SDK1: variants seen among roughly 807,000 people sequenced by gnomAD.
SDK1 encodes sidekick cell adhesion molecule 1.
A neutral mutation model predicts 245.5 loss-of-function variants in SDK1; 157 were observed. The ratio of observed to expected loss-of-function variants is 0.64; its 90% CI spans 0.56 to 0.73. The LOEUF (loss-of-function observed/expected upper bound fraction) is 0.73, where lower values mean the gene tolerates loss of function less well. SDK1 is among the 30% of genes least tolerant of loss of function. The pLI is 0.00. For missense variants in SDK1, 3,583 were observed against 3,002.3 expected, an observed-to-expected ratio of 1.19 and a Z score of -4.52; for synonymous variants, 1,647 against 1,278.5, an observed-to-expected ratio of 1.29 and a Z score of -6.15.
At chr7:4,251,340 G>A (rs192999847) in intron 44 of SDK1, among the ~76,000 whole-genome samples, 9 of 152,290 alleles carry the variant, frequency 5.9e-5, no homozygotes, top group East Asian at 5.8e-4. Context: ...AAATCACAAA[G>A]GGAAAATGTG....
intron 4 of SDK1, among the ~76,000 whole-genome samples, chr7:3,805,955 A>C (rs895783752): frequency 1.3e-5 from 2 of 152,070 alleles, no homozygotes; most frequent in Non-Finnish European, 2.9e-5. Context: ...GAGCTATTCT[A>C]GTTTTCGTGC....
intron 4 of SDK1, among the ~76,000 whole-genome samples, chr7:3,812,252 A>G (rs1779403328): frequency 6.6e-6 from 1 of 152,256 alleles, no homozygotes; most frequent in African/African-American, 2.4e-5. Context: ...TGCAAATACA[A>G]ATACTTAGAG....
At chr7:4,160,481 G>A in intron 31 of SDK1, among the ~76,000 whole-genome samples, 1 of 152,174 alleles carries the variant, frequency 6.6e-6, no homozygotes, top group East Asian at 1.9e-4. Flanking sequence ...CCTGGGATGT[G>A]CAGTTTCTCT....
intron 4 of SDK1, among the ~76,000 whole-genome samples, chr7:3,780,727 C>T (rs1780705392): frequency 6.6e-6 from 1 of 151,992 alleles, no homozygotes; most frequent in Admixed American, 6.6e-5. Context: ...CCCACCCAAC[C>T]ACCCTGTGCA....
At chr7:3,420,093 C>G (rs1208397998) in intron 1 of SDK1, among the ~76,000 whole-genome samples, 1 of 152,138 alleles carries the variant, frequency 6.6e-6, no homozygotes, top group Non-Finnish European at 1.5e-5. Context: ...TTCCATACTT[C>G]TGTGCAAAGG....
chr7:4,200,460 T>A (rs1191064636), intron 35 of SDK1, among the ~76,000 whole-genome samples: 1 of 152,222 alleles, frequency 6.6e-6, no homozygotes, highest in Non-Finnish European at 1.5e-5. Context: ...GGGAATAACT[T>A]AGGTAGGTCC....
intron 17 of SDK1, among the ~76,000 whole-genome samples, chr7:4,033,545 T>C (rs1388898381): frequency 6.6e-6 from 1 of 152,126 alleles, no homozygotes; most frequent in East Asian, 1.9e-4. Flanking sequence ...AAATAGCAAA[T>C]TGGGGGAAAT....
intron 1 of SDK1, among the ~76,000 whole-genome samples, chr7:3,368,487 G>A (rs1289636981): frequency 1.3e-5 from 2 of 152,196 alleles, no homozygotes; most frequent in Non-Finnish European, 2.9e-5. Context: ...TCAGTATGGA[G>A]TAGGGGGATG....
intron 17 of SDK1, among the ~76,000 whole-genome samples, chr7:4,028,799 C>G (rs901929154): frequency 6.6e-6 from 1 of 152,142 alleles, no homozygotes; most frequent in Non-Finnish European, 1.5e-5. Flanking sequence ...TTTGTTGTGA[C>G]TTGGGATGGG....
chr7:3,975,883 T>G (rs571296546), intron 13 of SDK1, among the ~76,000 whole-genome samples: 12 of 152,340 alleles, frequency 7.9e-5, no homozygotes, highest in African/African-American at 2.6e-4. Context: ...GGGGTCCTGG[T>G]GCTGCAGCTG....
At chr7:4,033,758 G>C (rs577490764) in intron 17 of SDK1, among the ~76,000 whole-genome samples, 1 of 152,298 alleles carries the variant, frequency 6.6e-6, no homozygotes, top group South Asian at 2.1e-4. Context: ...CAGACACACA[G>C]AGAACAATGT....
rs150505117 is a variant in SDK1, at chr7:3,418,988, A to G, written c.298+117104A>G. 7.0e-4 allele frequency among the ~76,000 whole-genome samples: 107 copies of G among 152,286 alleles called. 1 individual carries two copies. Among genetic ancestry groups the G allele is most frequent in the Non-Finnish European group, 1.4e-3 (93 of 68,010 alleles). On this transcript the variant is annotated intron_variant, in intron 1 of 44. Transcript: ENST00000404826. ...TAGGGACCATGTTCTTGTGGACTTG[A>G]CAAAGAATGTTATATCAAAAGTCGT...
chr7:3,408,834 T>A (rs1779121733), intron 1 of SDK1, among the ~76,000 whole-genome samples: 1 of 152,254 alleles, frequency 6.6e-6, no homozygotes, highest in Non-Finnish European at 1.5e-5. Flanking sequence ...TTGATAATAA[T>A]GCATTATAAA....
intron 5 of SDK1, among the ~76,000 whole-genome samples, chr7:3,834,205 C>T (rs1370854406): frequency 2.0e-5 from 3 of 152,274 alleles, no homozygotes; most frequent in East Asian, 3.9e-4. Context: ...AACTCCCTGC[C>T]CTTTAAACAC....
intron 1 of SDK1, among the ~76,000 whole-genome samples, chr7:3,423,567 A>T (rs1050079992): frequency 1.4e-5 from 2 of 144,484 alleles, no homozygotes; most frequent in African/African-American, 5.5e-5. Context: ...TCATGGAAAC[A>T]GTGGCTTTTT....
chr7:3,694,289 C>T (rs1464747764), intron 4 of SDK1, among the ~76,000 whole-genome samples: 1 of 152,182 alleles, frequency 6.6e-6, no homozygotes, highest in African/African-American at 2.4e-5. Flanking sequence ...CGGGAGGTCA[C>T]TTCCCCTCCT....
intron 2 of SDK1, among the ~76,000 whole-genome samples, chr7:3,637,716 T>A (rs570847729): frequency 3.4e-4 from 52 of 152,358 alleles, no homozygotes; most frequent in African/African-American, 1.2e-3. Context: ...TGAAGGATGA[T>A]TACTTACAGT....
At chr7:3,382,814 T>C (rs1327149032) in intron 1 of SDK1, among the ~76,000 whole-genome samples, 1 of 152,196 alleles carries the variant, frequency 6.6e-6, no homozygotes, top group Non-Finnish European at 1.5e-5. Context: ...AACATCTGAT[T>C]CATTGAGTGG....
intron 26 of SDK1, chr7:4,129,631 G>T (rs1336881495): frequency 3.8e-6 from 5 of 1,312,396 alleles, no homozygotes; most frequent in Non-Finnish European, 4.9e-6. Context: ...CATGGCTGCA[G>T]TTGGGCCCTC....
Sources: gnomAD v4.1 joint callset for allele counts (sites outside exome capture counted in the v4.1 genomes callset) on GRCh38, gnomAD v4.1.1 for gene constraint, MANE v1.5 for transcripts, NCBI Gene and HGNC (gene_info 2026-07-23, HGNC 2026-07-21) for gene names.